Variants in ESRRG observed in about 807,000 individuals in gnomAD.
The protein encoded by ESRRG is estrogen related receptor gamma, also known as estrogen-related receptor gamma.
In ESRRG, 13 loss-of-function variants were observed where a neutral mutation model predicts 44.0. The ratio of observed to expected loss-of-function variants is 0.30; its 90% CI spans 0.19 to 0.47. The LOEUF (loss-of-function observed/expected upper bound fraction) is 0.47, where lower values mean the gene tolerates loss of function less well. ESRRG is among the 20% of genes least tolerant of loss of function. The pLI is 1.00. For missense variants in ESRRG, 395 were observed against 580.6 expected (o/e 0.68, Z 3.29); for synonymous variants, 215 against 214.6 (o/e 1.00, Z -0.02).
At chr1:216,946,694 A>T (rs1268338650) in intron 1 of ESRRG, among the ~76,000 whole-genome samples, 1 of 151,336 alleles carries the variant, frequency 6.6e-6, no homozygotes, top group South Asian at 2.1e-4. Flanking sequence ...CCCTCCCCCC[A>T]TATCTTTCCT....
chr1:216,580,030 G>T (rs1280669877), intron 3 of ESRRG, among the ~76,000 whole-genome samples: 1 of 152,132 alleles, frequency 6.6e-6, no homozygotes. Flanking sequence ...TAGTGAAAAT[G>T]ACATACTAAT....
rs181264598 is a variant in ESRRG, at chr1:216,516,898, T to G, written c.1132+2254A>C. Among the ~76,000 whole-genome samples the G allele has an allele frequency of 5.4e-4, 82 of 152,232 alleles. 2 individuals carry two copies. Among genetic ancestry groups the G allele is most frequent in the Admixed American group, 5.4e-3 (82 of 15,266 alleles). On this transcript the variant is annotated intron_variant, in intron 6 of 6. Coordinates refer to ENST00000408911, the MANE Select transcript of ESRRG (RefSeq NM_001438.4). ...ATTAACAATATCAAAGAAAATGACT[T>G]TCTGAGTTGTTTACCCCAAACTAAA...
intron 1 of ESRRG, among the ~76,000 whole-genome samples, chr1:217,014,738 T>C (rs1485297284): frequency 6.6e-6 from 1 of 152,180 alleles, no homozygotes; most frequent in Non-Finnish European, 1.5e-5. Context: ...AGAAAATACA[T>C]GCAAGTTAAA....
At chr1:217,077,084 G>A (rs900688732) in intron 1 of ESRRG, among the ~76,000 whole-genome samples, 1 of 152,256 alleles carries the variant, frequency 6.6e-6, no homozygotes, top group Non-Finnish European at 1.5e-5. Context: ...ATCATTTCAT[G>A]TCTGGTTGCC....
chr1:216,565,181 T>C (rs2059468824), intron 4 of ESRRG, among the ~76,000 whole-genome samples: 1 of 152,208 alleles, frequency 6.6e-6, no homozygotes, highest in East Asian at 1.9e-4. Context: ...AAATAAACAC[T>C]AGAGACAAAT....
intron 3 of ESRRG, among the ~76,000 whole-genome samples, chr1:216,612,669 G>A (rs542919581): frequency 4.2e-4 from 64 of 152,160 alleles, no homozygotes; most frequent in Middle Eastern, 3.4e-3. Context: ...CATCAGTGTC[G>A]CAACCACAGT....
intron 1 of ESRRG, among the ~76,000 whole-genome samples, chr1:216,978,288 G>T (rs2073337360): frequency 6.6e-6 from 1 of 152,096 alleles, no homozygotes; most frequent in Non-Finnish European, 1.5e-5. Flanking sequence ...ATTGCCTAAA[G>T]CTACTTTTGC....
intron 1 of ESRRG, chr1:216,959,628 A>C (rs909483630): frequency 1.3e-5 from 2 of 152,108 alleles, no homozygotes; most frequent in Admixed American, 1.3e-4. Context: ...TCAAGGCAGG[A>C]GTAAGCTCTG....
chr1:216,796,624 T>TTTAATCCAGGATTAAAGCTC (rs1175331716), intron 2 of ESRRG, among the ~76,000 whole-genome samples: 1 of 152,114 alleles, frequency 6.6e-6, no homozygotes, highest in Non-Finnish European at 1.5e-5. Flanking sequence ...CCTCTACTGT[T>TTTAATCCAGGATTAAAGCTC]TCTTCTAGCT....
At chr1:217,036,360 T>C (rs1484215846) in intron 1 of ESRRG, among the ~76,000 whole-genome samples, 1 of 152,182 alleles carries the variant, frequency 6.6e-6, no homozygotes, top group Non-Finnish European at 1.5e-5. Context: ...GATACATTCA[T>C]GTGTATGTTC....
chr1:216,906,560 A>T (rs2059707547), intron 2 of ESRRG, among the ~76,000 whole-genome samples: 1 of 152,196 alleles, frequency 6.6e-6, no homozygotes, highest in Non-Finnish European at 1.5e-5. Context: ...CTACCAGCCA[A>T]ATTGCCTCAT....
At chr1:216,750,598 AC>A (rs1445635622) in intron 2 of ESRRG, among the ~76,000 whole-genome samples, 1 of 151,972 alleles carries the variant, frequency 6.6e-6, no homozygotes. Context: ...AAAAATGAAA[AC>A]TCTATAGGCT....
intron 6 of ESRRG, among the ~76,000 whole-genome samples, chr1:216,518,314 T>C (rs548291676): frequency 1.3e-5 from 2 of 152,214 alleles, no homozygotes; most frequent in East Asian, 3.9e-4. Context: ...AGTTTCCTTC[T>C]TGTAATTAAA....
At chr1:216,599,157 A>T (rs2058846406) in intron 3 of ESRRG, among the ~76,000 whole-genome samples, 1 of 152,002 alleles carries the variant, frequency 6.6e-6, no homozygotes, top group Non-Finnish European at 1.5e-5. Context: ...GTTCCAATAA[A>T]TTTTTTCTGA....
intron 2 of ESRRG, among the ~76,000 whole-genome samples, chr1:216,904,847 A>C (rs2059507681): frequency 6.6e-6 from 1 of 152,138 alleles, no homozygotes; most frequent in African/African-American, 2.4e-5. Context: ...TTTGCACTGA[A>C]CAGTGATAAG....
At chr1:216,923,908 G>A (rs1163962348) in intron 2 of ESRRG, among the ~76,000 whole-genome samples, 1 of 152,130 alleles carries the variant, frequency 6.6e-6, no homozygotes, top group Non-Finnish European at 1.5e-5. Context: ...ACCAGGCAGT[G>A]GCCATAATTA....
chr1:217,024,421 G>A (rs2080878217), intron 1 of ESRRG, among the ~76,000 whole-genome samples: 1 of 151,366 alleles, frequency 6.6e-6, no homozygotes, highest in Admixed American at 6.6e-5. Context: ...AGTTTGTCAT[G>A]GCTGCTTCTG....
rs1052845775 is a variant in ESRRG at position 216,556,164 on chromosome 1, T to C, written c.862+8055A>G. Among the ~76,000 whole-genome samples, 8 of 152,054 alleles carry C rather than the reference T, an allele frequency of 5.3e-5. No homozygotes were observed. The East Asian group carries it at 1.5e-3, about 29-fold the overall frequency. Reference sequence around the variant, plus strand: ...GGCTTTCTCTCTTTAACTTATCAAGTAGCTTAAGAATAACTAAAAAGTCAG... The same window carrying C: ...GGCTTTCTCTCTTTAACTTATCAAGCAGCTTAAGAATAACTAAAAAGTCAG... On this transcript the variant is annotated intron_variant, in intron 5 of 6. Transcript: ENST00000408911.
rs116454438 is a variant in ESRRG, at chr1:217,119,769, T to C, written c.-230+17898A>G. 2.7e-3 allele frequency among the ~76,000 whole-genome samples: 417 copies of C among 152,360 alleles called. 1 individual carries two copies. Among genetic ancestry groups the C allele is most frequent in the African/African-American group, 9.5e-3 (396 of 41,590 alleles). ...AATGTAAACTTAAGGTTTAATTACA[T>C]TTTGTGTCATAATGTAACTTCTTAG... On this transcript the variant is annotated intron_variant, in intron 1 of 8. Coordinates refer to the ESRRG transcript ENST00000366940.
Sources: gnomAD v4.1 joint callset for allele counts (sites outside exome capture counted in the v4.1 genomes callset) on GRCh38, gnomAD v4.1.1 for gene constraint, MANE v1.5 for transcripts, NCBI Gene and HGNC (gene_info 2026-07-23, HGNC 2026-07-21) for gene names.